Variants in CACNA1B observed in about 807,000 individuals in gnomAD.
CACNA1B encodes the protein calcium voltage-gated channel subunit alpha1 B.
A neutral mutation model predicts 247.2 loss-of-function variants in CACNA1B; 70 were observed. The observed-to-expected ratio is 0.28, with a 90% CI of 0.23 to 0.35. The LOEUF is 0.35. Among genes scored for constraint, CACNA1B ranks in the 10% least tolerant of loss-of-function variants. The pLI, the probability that CACNA1B is intolerant of heterozygous loss-of-function variation, is 1.00. For synonymous variants in CACNA1B, 1,231 were observed against 1,294.4 expected (o/e 0.95, Z 1.05); for missense variants, 2,367 against 3,197.4 (o/e 0.74, Z 6.26).
Position 137,990,334 on chromosome 9 carries a change from T to C in CACNA1B, c.1974+3480T>C, listed in dbSNP as rs988167226. Among the ~76,000 whole-genome samples, 3 of 151,820 alleles carry C rather than the reference T, an allele frequency of 2.0e-5. No homozygotes were observed. Among genetic ancestry groups the C allele is most frequent in the Non-Finnish European group, 4.4e-5 (3 of 67,968 alleles). ...AAGCAGAGTCTGAGCTCAGACACCCTATTCCTGCCCCCACCTGGTGGTCTT... is the reference window on the plus strand; with the variant it reads ...AAGCAGAGTCTGAGCTCAGACACCCCATTCCTGCCCCCACCTGGTGGTCTT... On this transcript the variant is annotated intron_variant, in intron 15 of 46. Coordinates refer to ENST00000371372, the MANE Select transcript of CACNA1B (RefSeq NM_000718.4). This position sits in a 1 kb window ranked among gnomAD's most constrained non-coding sequence, Gnocchi z 4.5.
At chr9:137,978,370 T>C (rs1589045616) in intron 12 of CACNA1B, among the ~76,000 whole-genome samples, 1 of 99,134 alleles carries the variant, frequency 1.0e-5, no homozygotes. Flanking sequence ...ACCCCTCCCA[T>C]GAAGGAGTGA....
At chr9:138,005,903 T>C (rs1482819126) in intron 15 of CACNA1B, among the ~76,000 whole-genome samples, 1 of 150,744 alleles carries the variant, frequency 6.6e-6, no homozygotes, top group Non-Finnish European at 1.5e-5. Context: ...ATTAGCCGGG[T>C]GAGGTGGTGG....
chr9:138,064,178 G>T (rs554927254), intron 31 of CACNA1B, among the ~76,000 whole-genome samples: 1 of 152,168 alleles, frequency 6.6e-6, no homozygotes, highest in African/African-American at 2.4e-5. Context: ...CAAAACCTCC[G>T]GGTATTCTTT....
chr9:137,956,902 T>A, intron 9 of CACNA1B, 75 bp downstream of exon 9: 1 of 1,244,330 alleles, frequency 8.0e-7, no homozygotes, highest in East Asian at 2.3e-5. Context: ...CGTGCCTGCT[T>A]GCATGTTTCA....
chr9:138,073,967 G>C lies in CACNA1B; in HGVS notation c.4792-34G>C, dbSNP rs1361494940. 6.3e-7 allele frequency: 1 copy of C among 1,585,222 alleles called. No homozygotes were observed. The highest frequency in any genetic ancestry group is 8.6e-7 in the Non-Finnish European group (1 of 1,159,130). ...GGAGGCCTGGGCGTGGTGGCTGGGA[G>C]GTGCCTGTAGCTGACCGGCCCCTGT... On this transcript the variant is annotated intron_variant, in intron 33 of 46. Coordinates refer to ENST00000371372, the MANE Select transcript of CACNA1B (RefSeq NM_000718.4). This position sits in a 1 kb window ranked among gnomAD's most constrained non-coding sequence, Gnocchi z 6.4.
chr9:138,111,538 C>T (rs1961629632), intron 39 of CACNA1B, among the ~76,000 whole-genome samples: 1 of 99,140 alleles, frequency 1.0e-5, no homozygotes. Flanking sequence ...TGGGAGTGAT[C>T]AGCTGTTGCA....
chr9:137,966,977 TTAA>T (rs1958086256), intron 10 of CACNA1B, among the ~76,000 whole-genome samples: 1 of 131,042 alleles, frequency 7.6e-6, no homozygotes. Flanking sequence ...TTTTTTTTTT[TTAA>T]AAAAAAAACC....
At chr9:137,923,169 A>AGTATTCCGTGGTGCCAGGTG (rs1564191116) in intron 6 of CACNA1B, among the ~76,000 whole-genome samples, 5 of 144,208 alleles carry the variant, frequency 3.5e-5, no homozygotes, top group Admixed American at 6.8e-5. Flanking sequence ...GGTGCCAGGT[A>AGTATTCCGTGGTGCCAGGTG]GTATTCCGTG....
chr9:138,090,695 C>CA (rs1318645899), intron 36 of CACNA1B, among the ~76,000 whole-genome samples: 3 of 50,776 alleles, frequency 5.9e-5, no homozygotes, highest in African/African-American at 2.1e-4. Flanking sequence ...AAACTCAACC[C>CA]ATCAGCAAAA....
chr9:138,073,973 T>G lies in CACNA1B; in HGVS notation c.4792-28T>G. ...CTGGGCGTGGTGGCTGGGAGGTGCC[T>G]GTAGCTGACCGGCCCCTGTCTCCGC... is the stretch of plus-strand genomic sequence containing the variant. On this transcript the variant is annotated intron_variant, in intron 33 of 46. Transcript: ENST00000371372. This position sits in a 1 kb window ranked among gnomAD's most constrained non-coding sequence, Gnocchi z 6.4. 1 of 1,599,838 alleles carries G rather than the reference T, an allele frequency of 6.3e-7. No homozygotes were observed. The highest frequency in any genetic ancestry group is 8.5e-7 in the Non-Finnish European group (1 of 1,171,692).
chr9:138,063,024 C>T (rs951870855), intron 31 of CACNA1B, among the ~76,000 whole-genome samples: 16 of 152,246 alleles, frequency 1.1e-4, no homozygotes, highest in African/African-American at 2.2e-4. Flanking sequence ...ACTTCACTGA[C>T]GTGGAAGGTC....
intron 6 of CACNA1B, among the ~76,000 whole-genome samples, chr9:137,945,886 A>C (rs1317515021): frequency 6.6e-6 from 1 of 152,116 alleles, no homozygotes; most frequent in Non-Finnish European, 1.5e-5. Flanking sequence ...TGATGCCATC[A>C]CAGCTCACTG....
chr9:137,881,821 G>T lies in CACNA1B; in HGVS notation c.391-923G>T, dbSNP rs1321333685. On this transcript the variant is annotated intron_variant, in intron 2 of 46. Coordinates refer to ENST00000371372, the MANE Select transcript of CACNA1B (RefSeq NM_000718.4). The surrounding 1 kb of genome is among the most constrained non-coding windows in gnomAD (Gnocchi z 4.3). ...GCTCTCTCATGTCCAGTAACTGTTG[G>T]CTGGAGCTCAGCCTGGGGTGCAGGA... is the stretch of plus-strand genomic sequence containing the variant. Among the ~76,000 whole-genome samples the T allele has an allele frequency of 1.3e-5, 2 of 152,206 alleles. No individual in the cohort carries two copies. The highest frequency in any genetic ancestry group is 1.3e-4 in the Admixed American group (2 of 15,282).
intron 6 of CACNA1B, among the ~76,000 whole-genome samples, chr9:137,937,302 C>G (rs1957679509): frequency 6.6e-6 from 1 of 151,940 alleles, no homozygotes; most frequent in Admixed American, 6.6e-5. Context: ...TCTGGAAAGT[C>G]TCAGCAATAG....
chr9:138,124,163 A>G lies in CACNA1B; in HGVS notation c.*2164A>G, dbSNP rs757565446. The G allele has an allele frequency of 1.3e-5, 2 of 152,156 alleles. No individual in the cohort carries two copies. The highest frequency in any genetic ancestry group is 2.9e-5 in the Non-Finnish European group (2 of 68,028). 9.4% of individuals were successfully genotyped at this position (152,156 alleles called of 1,614,324 possible). A position where few individuals can be genotyped will look rare whatever the true frequency, so the allele number is the denominator to read the frequency against. ...ACTGTGTCTTCTCCGGCTATCATAT[A>G]TGTCCCCTGAATCTCATAGTGAGCT... On this transcript the variant is annotated 3_prime_UTR_variant, in exon 47 of 47. Transcript: ENST00000371372.
intron 31 of CACNA1B, among the ~76,000 whole-genome samples, chr9:138,062,674 G>A (rs1959769319): frequency 6.6e-6 from 1 of 152,204 alleles, no homozygotes; most frequent in African/African-American, 2.4e-5. Flanking sequence ...CAAATGCTGG[G>A]TGTCTGCACT....
chr9:138,037,453 A>G (rs2606388), intron 20 of CACNA1B, among the ~76,000 whole-genome samples: 2 of 152,308 alleles, frequency 1.3e-5, no homozygotes, highest in South Asian at 4.1e-4. Flanking sequence ...GAGGTCAGGC[A>G]TTCGAGACCA....
At chr9:138,086,048 A>G (rs1960683646) in intron 36 of CACNA1B, among the ~76,000 whole-genome samples, 1 of 151,354 alleles carries the variant, frequency 6.6e-6, no homozygotes, top group African/African-American at 2.4e-5. Flanking sequence ...CCGTAATGAT[A>G]AATAATGAGA....
intron 36 of CACNA1B, among the ~76,000 whole-genome samples, chr9:138,079,742 CAAAAAA>C (rs141292393): frequency 7.2e-5 from 3 of 41,832 alleles, no homozygotes; most frequent in African/African-American, 2.5e-4. Context: ...GACTCCATCT[CAAAAAA>C]AAAAAAAAAA....
Sources: gnomAD v4.1 joint callset for allele counts (sites outside exome capture counted in the v4.1 genomes callset) on GRCh38, gnomAD v4.1.1 for gene constraint, Gnocchi (gnomAD v3.1) non-coding constraint, MANE v1.5 for transcripts, NCBI Gene and HGNC (gene_info 2026-07-23, HGNC 2026-07-21) for gene names.